KAZN: variants seen among roughly 807,000 people sequenced by gnomAD.
The protein encoded by KAZN is kazrin.
KAZN carries 40 observed loss-of-function variants against 87.4 expected under a neutral mutation model. The ratio of observed to expected loss-of-function variants is 0.46; its 90% CI spans 0.36 to 0.60. KAZN has a LOEUF of 0.60. Among genes scored for constraint, KAZN ranks in the 20% least tolerant of loss-of-function variants. KAZN has a pLI of 0.00. For missense variants in KAZN, 898 were observed against 1,073.9 expected, an observed-to-expected ratio of 0.84 and a Z score of 2.29; for synonymous variants, 466 against 458.3, an observed-to-expected ratio of 1.02 and a Z score of -0.22.
intron 8 of KAZN, among the ~76,000 whole-genome samples, chr1:15,088,745 C>A (rs1243007718): frequency 1.3e-5 from 2 of 152,192 alleles, no homozygotes; most frequent in South Asian, 2.1e-4. Context: ...TCTGTCACGT[C>A]GTCTCGTTGG....
At chr1:14,390,699 G>T in intron 2 of KAZN, 1 of 152,810 alleles carries the variant, frequency 6.5e-6, no homozygotes, top group South Asian at 2.1e-4. Context: ...TCTGGAGGCT[G>T]GGAAGTCCAA....
At position 14,040,232 on chromosome 1, in the gene KAZN, C is replaced by T. The variant is rs527618490; in HGVS notation, c.92-140203C>T. Among the ~76,000 whole-genome samples, 15 of 152,180 alleles carry T rather than the reference C, an allele frequency of 9.9e-5. No homozygotes were observed. The South Asian group carries it at 1.2e-3, about 13-fold the overall frequency. Reference sequence around the variant, plus strand: ...ACCAAATGTGAGCACCCTAAAATAGCATTTACATCTGACCTTTTCAGTTTG... The same window carrying T: ...ACCAAATGTGAGCACCCTAAAATAGTATTTACATCTGACCTTTTCAGTTTG... On this transcript the variant is annotated intron_variant, in intron 1 of 16. Coordinates refer to the KAZN transcript ENST00000636203.
chr1:14,026,466 A>G (rs1047259727), intron 1 of KAZN, among the ~76,000 whole-genome samples: 9 of 152,198 alleles, frequency 5.9e-5, no homozygotes, highest in African/African-American at 2.2e-4. Flanking sequence ...TTATTTCACT[A>G]CATTAATAAA....
chr1:14,568,307 C>T (rs112744955), intron 2 of KAZN, among the ~76,000 whole-genome samples: 20 of 152,282 alleles, frequency 1.3e-4, no homozygotes, highest in African/African-American at 4.8e-4. Flanking sequence ...ATCACGTCAG[C>T]TTGAAGAGGA....
intron 2 of KAZN, among the ~76,000 whole-genome samples, chr1:14,193,910 G>T (rs1040841298): frequency 1.3e-5 from 2 of 152,000 alleles, no homozygotes; most frequent in African/African-American, 4.8e-5. Flanking sequence ...TGCTGTAGGT[G>T]GTATCGCTGT....
At chr1:14,832,729 G>A (rs533491695) in intron 1 of KAZN, among the ~76,000 whole-genome samples, 1 of 152,260 alleles carries the variant, frequency 6.6e-6, no homozygotes, top group South Asian at 2.1e-4. Context: ...GACAAGTATG[G>A]TCTAGACCAA....
chr1:14,812,485 G>T (rs2100790635), intron 1 of KAZN, among the ~76,000 whole-genome samples: 1 of 152,242 alleles, frequency 6.6e-6, no homozygotes, highest in Admixed American at 6.5e-5. Flanking sequence ...TTCTGTCCCG[G>T]ATCACATTCA....
intron 2 of KAZN, among the ~76,000 whole-genome samples, chr1:14,211,102 A>G (rs893330513): frequency 1.3e-5 from 2 of 152,206 alleles, no homozygotes; most frequent in East Asian, 1.9e-4. Flanking sequence ...ATGGTGTTCT[A>G]TTCTAAGTGT....
At chr1:14,860,199 TTCTC>T (rs1374362708) in intron 1 of KAZN, among the ~76,000 whole-genome samples, 1 of 151,398 alleles carries the variant, frequency 6.6e-6, no homozygotes, top group African/African-American at 2.4e-5. Context: ...CTCTCTCTCT[TTCTC>T]TTTCTTTCAA....
At chr1:14,798,793 C>G (rs1455544934) in intron 1 of KAZN, among the ~76,000 whole-genome samples, 1 of 151,892 alleles carries the variant, frequency 6.6e-6, no homozygotes, top group Non-Finnish European at 1.5e-5. Context: ...CAGGGTCTGG[C>G]TCTGTCACCC....
intron 2 of KAZN, among the ~76,000 whole-genome samples, chr1:14,326,324 T>C (rs1571309459): frequency 1.3e-5 from 2 of 152,124 alleles, no homozygotes; most frequent in African/African-American, 4.8e-5. Context: ...CCATACCACA[T>C]GTAACCCATC....
intron 3 of KAZN, among the ~76,000 whole-genome samples, chr1:15,043,075 A>G (rs974227857): frequency 1.3e-5 from 2 of 152,116 alleles, no homozygotes; most frequent in African/African-American, 4.8e-5. Context: ...ATCACAGAAA[A>G]CAGCTCATGC....
intron 1 of KAZN, among the ~76,000 whole-genome samples, chr1:14,626,718 T>C (rs1679168457): frequency 6.6e-6 from 1 of 152,200 alleles, no homozygotes; most frequent in Admixed American, 6.5e-5. Flanking sequence ...CTGAGGCACC[T>C]CTGTGCCTGA....
At chr1:15,043,712 C>T (rs1341466552) in intron 3 of KAZN, among the ~76,000 whole-genome samples, 1 of 143,452 alleles carries the variant, frequency 7.0e-6, no homozygotes, top group Admixed American at 7.4e-5. Context: ...GGTGCGATCT[C>T]GGCTCACTGC....
chr1:14,878,940 C>T (rs74862689), intron 1 of KAZN, among the ~76,000 whole-genome samples: 2,617 of 152,362 alleles, frequency 0.017, 89 homozygotes, highest in African/African-American at 0.06. Context: ...AGTGGCCTCT[C>T]AGCCCTGGCT....
chr1:15,104,283 A>G, intron 13 of KAZN, 94 bp downstream of exon 13: 1 of 1,240,574 alleles, frequency 8.1e-7, no homozygotes, highest in Non-Finnish European at 1.1e-6. Context: ...ATCCTGGCCC[A>G]TCACTTACTG....
chr1:13,981,119 A>ATG (rs1570443952), intron 1 of KAZN, among the ~76,000 whole-genome samples: 2 of 115,560 alleles, frequency 1.7e-5, no homozygotes, highest in African/African-American at 3.4e-5. Flanking sequence ...ATGTATATAT[A>ATG]AACACAGATT....
intron 1 of KAZN, among the ~76,000 whole-genome samples, chr1:14,163,422 C>G (rs576376780): frequency 3.1e-4 from 47 of 152,266 alleles, no homozygotes; most frequent in Middle Eastern, 6.8e-3. Flanking sequence ...CCTGCCAGCA[C>G]TTGGGAGGGG....
At chr1:14,573,445 G>A (rs1035292293) in intron 2 of KAZN, among the ~76,000 whole-genome samples, 1 of 152,022 alleles carries the variant, frequency 6.6e-6, no homozygotes, top group East Asian at 1.9e-4. Flanking sequence ...TCAGGAGTTC[G>A]AACCAGCCTG....
Sources: allele counts gnomAD v4.1 joint callset (sites outside exome capture counted in the v4.1 genomes callset), GRCh38; gene constraint gnomAD v4.1.1; transcripts MANE v1.5; gene names NCBI Gene and HGNC (gene_info 2026-07-23, HGNC 2026-07-21).